COP1: variants seen among roughly 807,000 people sequenced by gnomAD.
COP1 encodes E3 ubiquitin-protein ligase COP1.
Under a neutral mutation model 101.3 loss-of-function variants are expected in COP1, and 24 were observed. The ratio of observed to expected loss-of-function variants is 0.24; its 90% confidence interval spans 0.17 to 0.33. The LOEUF is 0.33. Among genes scored for constraint, COP1 ranks in the 10% least tolerant of loss-of-function variants. The pLI is 1.00. For synonymous variants in COP1, 347 were observed against 341.9 expected (o/e 1.01, Z -0.17); for missense variants, 663 against 906.2 (o/e 0.73, Z 3.45).
At chr1:176,142,793 T>C (rs917662653) in intron 6 of COP1, among the ~76,000 whole-genome samples, 3 of 149,244 alleles carry the variant, frequency 2.0e-5, no homozygotes, top group African/African-American at 4.9e-5. Flanking sequence ...AAGAAAAAAA[T>C]ATAATGAAAA....
At chr1:175,968,019 C>T (rs1422475837) in intron 18 of COP1, among the ~76,000 whole-genome samples, 1 of 152,074 alleles carries the variant, frequency 6.6e-6, no homozygotes. Context: ...AGGCGCCTGC[C>T]AACACACCTG....
At chr1:176,092,914 C>A (rs907302171) in intron 9 of COP1, among the ~76,000 whole-genome samples, 5 of 152,026 alleles carry the variant, frequency 3.3e-5, no homozygotes, top group African/African-American at 1.2e-4. Context: ...CCCTTAATAG[C>A]AAGAACAACA....
At chr1:176,041,101 T>A (rs925444181) in intron 14 of COP1, among the ~76,000 whole-genome samples, 5 of 152,126 alleles carry the variant, frequency 3.3e-5, no homozygotes, top group Admixed American at 2.0e-4. Context: ...TGAACTTCGT[T>A]AAGAGATTTT....
At chr1:176,163,962 GT>G in intron 3 of COP1, 71 bp from the exon 4 acceptor site, 1 of 988,250 alleles carries the variant, frequency 1.0e-6, no homozygotes, top group Non-Finnish European at 1.5e-6. Context: ...TAATTCTTCG[GT>G]TTAGATAGAT....
intron 9 of COP1, among the ~76,000 whole-genome samples, chr1:176,090,373 G>GT (rs1681046052): frequency 6.6e-6 from 1 of 152,116 alleles, no homozygotes; most frequent in Admixed American, 6.5e-5. Context: ...ACTCATTTTG[G>GT]TTTTTTCGGC....
chr1:176,118,794 T>C (rs1193414988), intron 8 of COP1, among the ~76,000 whole-genome samples: 1 of 151,862 alleles, frequency 6.6e-6, no homozygotes. Flanking sequence ...AAAAACAAAA[T>C]AGCCAGAAGA....
intron 6 of COP1, among the ~76,000 whole-genome samples, 185 bp downstream of exon 6, chr1:176,148,821 A>G (rs1229611980): frequency 6.6e-6 from 1 of 152,108 alleles, no homozygotes. Context: ...CCACAAAATG[A>G]TTTTTTAAGT....
In COP1 at chr1:175,989,394, T is replaced by C; in HGVS notation, c.1815A>G (p.Ala605=). Reference sequence around the variant, plus strand: ...CAATTTCCTCACCACTCACAAACTTTGCATAAGAGACTGCTTTACGGTGTC... The same window carrying C: ...CAATTTCCTCACCACTCACAAACTTCGCATAAGAGACTGCTTTACGGTGTC... ...FKGHRKAVSY[A]KFVSGEEIVS... The change falls in exon 16 of 20, where the codon GCA becomes GCG. Residue 605 remains alanine, a synonymous_variant. Transcript: ENST00000367669. 1 of 1,603,994 alleles carries C rather than the reference T, an allele frequency of 6.2e-7. No homozygotes were observed.
At chr1:176,004,136 G>A (rs1165336538) in intron 15 of COP1, among the ~76,000 whole-genome samples, 1 of 151,400 alleles carries the variant, frequency 6.6e-6, no homozygotes, top group African/African-American at 2.4e-5. Flanking sequence ...GTTCACTCAT[G>A]ATTCGGCTCT....
At chr1:176,033,335 G>A (rs924188969) in intron 14 of COP1, among the ~76,000 whole-genome samples, 1 of 152,194 alleles carries the variant, frequency 6.6e-6, no homozygotes, top group Non-Finnish European at 1.5e-5. Context: ...GCTGAGGCAG[G>A]AGAACTGCTT....
At chr1:175,968,607 C>A in intron 18 of COP1, 1 of 428,406 alleles carries the variant, frequency 2.3e-6, no homozygotes, top group African/African-American at 2.0e-5. Flanking sequence ...TAACTAACTG[C>A]ATCAAATTCT....
In COP1 at chr1:175,982,212, T is replaced by C. The variant is rs192321596; in HGVS notation, c.2133+4731A>G. On this transcript the variant is annotated intron_variant, in intron 18 of 19. Transcript: ENST00000367669. ...AATTTCAAAAGAGTTAAAATTAGGTTACAGAAAAAAACATGCACACTCTTT... is the reference window on the plus strand; with the variant it reads ...AATTTCAAAAGAGTTAAAATTAGGTCACAGAAAAAAACATGCACACTCTTT... 818 of 314,294 alleles carry C rather than the reference T, an allele frequency of 2.6e-3. 12 individuals are homozygous for C. The Admixed American group carries it at 0.03, about 12-fold the overall frequency. The allele number at this position is 314,294 out of a possible 1,614,324, so 19.5% of individuals were successfully genotyped here. A position where few individuals can be genotyped will look rare whatever the true frequency, so the allele number is the denominator to read the frequency against.
chr1:176,108,774 T>C (rs1366329049), intron 9 of COP1, among the ~76,000 whole-genome samples: 1 of 152,142 alleles, frequency 6.6e-6, no homozygotes, highest in Admixed American at 6.5e-5. Flanking sequence ...TTTAAAAATA[T>C]TGATGTCCTG....
At chr1:176,068,341 C>T (rs1216617682) in intron 11 of COP1, among the ~76,000 whole-genome samples, 1 of 152,048 alleles carries the variant, frequency 6.6e-6, no homozygotes, top group African/African-American at 2.4e-5. Flanking sequence ...TCACTATAAA[C>T]CTGGAAATTG....
At chr1:175,952,591 TA>T (rs1650088822) in intron 18 of COP1, among the ~76,000 whole-genome samples, 1 of 151,874 alleles carries the variant, frequency 6.6e-6, no homozygotes, top group Admixed American at 6.6e-5. Context: ...GAAGGAATAT[TA>T]TACTACATGA....
chr1:176,163,783 T>C (rs1436936556), intron 4 of COP1, 32 bp downstream of exon 4: 1 of 1,319,514 alleles, frequency 7.6e-7, no homozygotes, highest in Non-Finnish European at 1.1e-6. Context: ...AAATGAAATT[T>C]ATTAAAAATA....
At chr1:176,151,362 AAAGAAAGAAAG>A (rs1692489610) in intron 5 of COP1, among the ~76,000 whole-genome samples, 2 of 58,738 alleles carry the variant, frequency 3.4e-5, no homozygotes, top group Non-Finnish European at 4.6e-5. Flanking sequence ...AAAAAGAAAG[AAAGAAAGAAAG>A]AAAGAAAGAA....
At chr1:176,143,077 C>G (rs1244045397) in intron 6 of COP1, among the ~76,000 whole-genome samples, 1 of 148,836 alleles carries the variant, frequency 6.7e-6, no homozygotes, top group African/African-American at 2.5e-5. Context: ...GAAAAAAACC[C>G]ATATAATTGA....
chr1:175,961,162 T>A (rs1651291417), intron 18 of COP1, among the ~76,000 whole-genome samples: 1 of 152,198 alleles, frequency 6.6e-6, no homozygotes, highest in African/African-American at 2.4e-5. Flanking sequence ...CTGGCCTCCC[T>A]GGCATATCAT....
Sources: allele counts gnomAD v4.1 joint callset (sites outside exome capture counted in the v4.1 genomes callset), GRCh38; gene constraint gnomAD v4.1.1; transcripts MANE v1.5; gene names NCBI Gene and HGNC (gene_info 2026-07-23, HGNC 2026-07-21).